NBPF12: variants seen among roughly 807,000 people sequenced by gnomAD.
NBPF12 encodes the protein NBPF member 12.
In NBPF12, 115 loss-of-function variants were observed where a neutral mutation model predicts 146.4. The ratio of observed to expected loss-of-function variants is 0.79; its 90% CI spans 0.68 to 0.92. The LOEUF (loss-of-function observed/expected upper bound fraction) is 0.92, where lower values mean the gene tolerates loss of function less well. NBPF12 is among the 40% of genes least tolerant of loss of function. The probability of loss-of-function intolerance (pLI) is 0.00; values close to 1 mark genes in which losing one functional copy is unlikely to be tolerated. For synonymous variants in NBPF12, 385 were observed against 508.9 expected, an observed-to-expected ratio of 0.76 and a Z score of 3.28; for missense variants, 1,205 against 1,326.8, an observed-to-expected ratio of 0.91 and a Z score of 1.43.
Position 146,972,959 on chromosome 1 carries a change from C to A in NBPF12, c.1800C>A (p.Tyr600Ter). The change falls in exon 14 of 34, where the codon TAC (tyrosine) becomes TAA (stop). Residue 600 changes from tyrosine (Y) to a stop codon, truncating the protein, a stop_gained and splice_region_variant. Transcript: ENST00000617844. LOFTEE classifies it high-confidence loss of function. ...TCCTGGCCAAGCAGCAGAACAAATA[C>A]AGTAAGATCTATATGCTCACCATCA... The A allele has an allele frequency of 2.2e-6, 2 of 920,550 alleles. No homozygotes were observed. 57.0% of individuals were successfully genotyped at this position (920,550 alleles called of 1,614,324 possible). A position where few individuals can be genotyped will look rare whatever the true frequency, so the allele number is the denominator to read the frequency against.
At chr1:146,995,709 A>G in exon 34 of NBPF12, 1 of 150,186 alleles carries the variant, frequency 6.7e-6, no homozygotes, top group Non-Finnish European at 1.5e-5. Flanking sequence ...ACCTCAGCCC[A>G]TCTGCGGGCA....
intron 2 of NBPF12, among the ~76,000 whole-genome samples, chr1:146,954,603 G>C (rs1553884184): frequency 6.9e-4 from 104 of 150,074 alleles, no homozygotes; most frequent in African/African-American, 2.5e-3. Context: ...AAAATTCCAA[G>C]CGGCATTTTG....
rs1341136173 is a variant in NBPF12, at chr1:146,958,187, C to T, written c.-183-1672C>T. Among the ~76,000 whole-genome samples the T allele has an allele frequency of 9.6e-5, 11 of 115,022 alleles. 1 individual carries two copies. The highest frequency in any genetic ancestry group is 1.9e-5 in the Non-Finnish European group (1 of 53,122). The allele number at this position is 115,022 out of a possible 152,430, so 75.5% of individuals were successfully genotyped here. On this transcript the variant is annotated intron_variant, in intron 2 of 33. Transcript: ENST00000617844. Reference sequence around the variant, plus strand: ...GTGTGTGATGTTCCCCGCCCTGTGTCCAAGTGTTCTCATTGTTCAATTCCC... The same window carrying T: ...GTGTGTGATGTTCCCCGCCCTGTGTTCAAGTGTTCTCATTGTTCAATTCCC...
chr1:146,941,123 G>A (rs1282021713), intron 1 of NBPF12, among the ~76,000 whole-genome samples: 1 of 151,384 alleles, frequency 6.6e-6, no homozygotes, highest in Non-Finnish European at 1.5e-5. Flanking sequence ...TCACTCTGTT[G>A]CCCAGGCTGG....
intron 9 of NBPF12, among the ~76,000 whole-genome samples, chr1:146,967,711 T>C (rs1656296415): frequency 6.7e-6 from 1 of 150,094 alleles, no homozygotes; most frequent in South Asian, 2.1e-4. Context: ...TGTCTGTCCC[T>C]CAGTTTCCTC....
chr1:146,963,170 T>G, exon 6 of NBPF12: 1 of 1,606,010 alleles, frequency 6.2e-7, no homozygotes, highest in Non-Finnish European at 8.5e-7. Context: ...AAGGGAGAGA[T>G]GCCTCCCGCT....
At chr1:146,957,983 G>GTGTGTATATATATATATACA (rs1388232924) in intron 2 of NBPF12, among the ~76,000 whole-genome samples, 3 of 115,702 alleles carry the variant, frequency 2.6e-5, no homozygotes, top group African/African-American at 9.9e-5. Context: ...GTATATATGT[G>GTGTGTATATATATATATACA]TGTGTATATA....
At chr1:146,944,902 TCCTCCCTTCCTCCCTCCCTCCCTG>T (rs1313778599), upstream of NBPF12, among the ~76,000 whole-genome samples, 56 of 102,168 alleles carry the variant, frequency 5.5e-4, no homozygotes, top group Non-Finnish European at 9.3e-4. Context: ...CTTCCTTTCT[TCCTCCCTTCCTCCCTCCCTCCCTG>T]CCTCCCTCCC....
exon 8 of NBPF12, chr1:146,965,065 T>C: frequency 6.2e-7 from 1 of 1,606,180 alleles, no homozygotes; most frequent in East Asian, 2.2e-5. Flanking sequence ...CAGAAAATCC[T>C]CTCATGATGA....
At chr1:146,985,937 A>G (rs1290527543) in intron 23 of NBPF12, among the ~76,000 whole-genome samples, 181 bp downstream of exon 26, 1 of 150,640 alleles carries the variant, frequency 6.6e-6, no homozygotes, top group Admixed American at 6.6e-5. Context: ...TCCCCTTGTC[A>G]TTTACTAACT....
chr1:146,976,674 G>T (rs1328826343), intron 16 of NBPF12, among the ~76,000 whole-genome samples: 1 of 151,754 alleles, frequency 6.6e-6, no homozygotes, highest in Non-Finnish European at 1.5e-5. Context: ...GGCTGCACAA[G>T]CCTCCAGTGA....
At chr1:146,995,797 C>G (rs1246073262) in exon 34 of NBPF12, 1 of 149,730 alleles carries the variant, frequency 6.7e-6, no homozygotes, top group Non-Finnish European at 1.5e-5. Context: ...GGAGATCTGT[C>G]CCTTTTAGAG....
At position 146,971,061 on chromosome 1, in the gene NBPF12, C is replaced by A. The variant is rs1348966002; in HGVS notation, c.1380-122C>A. The A allele has an allele frequency of 3.3e-6, 5 of 1,503,104 alleles. No homozygotes were observed. The East Asian group carries it at 9.0e-5, about 27-fold the overall frequency. 93.1% of individuals were successfully genotyped at this position (1,503,104 alleles called of 1,614,324 possible). A position where few individuals can be genotyped will look rare whatever the true frequency, so the allele number is the denominator to read the frequency against. ...ATTGCCTGTTCCCTCTTAAAGGGAA[C>A]CTCCATTTTGCTTTCTGGGACCACT... On this transcript the variant is annotated intron_variant, in intron 12 of 33. Coordinates refer to ENST00000617844, the Ensembl canonical transcript of NBPF12.
chr1:146,957,892 C>CATATTAT (rs1553884511), intron 2 of NBPF12, among the ~76,000 whole-genome samples: 3 of 109,628 alleles, frequency 2.7e-5, no homozygotes, highest in African/African-American at 9.2e-5. Flanking sequence ...TGTATATACA[C>CATATTAT]ATATATATAC....
Position 146,964,537 on chromosome 1 carries a change from G to A in NBPF12, c.566+108G>A, listed in dbSNP as rs1553885272. Reference sequence around the variant, plus strand: ...TGGGCCAAAAGCCCGCATTCCCTTGGCCACAGTATGTGAAATTCAACCCAG... The same window carrying A: ...TGGGCCAAAAGCCCGCATTCCCTTGACCACAGTATGTGAAATTCAACCCAG... On this transcript the variant is annotated intron_variant, in intron 7 of 33. Transcript: ENST00000617844. The A allele has an allele frequency of 1.2e-3, 1,863 of 1,556,728 alleles. 23 individuals are homozygous for A. The African/African-American group carries it at 0.021, about 17-fold the overall frequency.
chr1:146,994,481 T>A (rs1406689567), exon 34 of NBPF12: 2 of 1,609,118 alleles, frequency 1.2e-6, no homozygotes, highest in Non-Finnish European at 1.7e-6. Flanking sequence ...GAACAGCACA[T>A]CACCTTTGCC....
At position 146,954,245 on chromosome 1, in the gene NBPF12, G is replaced by A. The variant is rs1337476105; in HGVS notation, c.-184+2756G>A. On this transcript the variant is annotated intron_variant, in intron 2 of 33. Coordinates refer to ENST00000617844, the Ensembl canonical transcript of NBPF12. ...TCTCTACTAAAAATACAAAAAATTAGCTAGGCGTGGTGGCATGTGCCTGTA... is the reference window on the plus strand; with the variant it reads ...TCTCTACTAAAAATACAAAAAATTAACTAGGCGTGGTGGCATGTGCCTGTA... Among the ~76,000 whole-genome samples, 3 of 146,130 alleles carry A rather than the reference G, an allele frequency of 2.1e-5. No individual in the cohort carries two copies. The East Asian group carries it at 6.0e-4, about 29-fold the overall frequency.
At chr1:146,963,648 T>C (rs2101851993) in intron 6 of NBPF12, among the ~76,000 whole-genome samples, 1 of 152,030 alleles carries the variant, frequency 6.6e-6, no homozygotes, top group East Asian at 1.9e-4. Context: ...TCCCAGGCTG[T>C]CTTTTTGGCA....
chr1:146,962,262 A>T, exon 5 of NBPF12: 1 of 1,602,872 alleles, frequency 6.2e-7, no homozygotes, highest in Non-Finnish European at 8.5e-7. Flanking sequence ...TGAGGAGCTC[A>T]GGTGAGGGGA....
Sources: allele counts gnomAD v4.1 joint callset (sites outside exome capture counted in the v4.1 genomes callset), GRCh38; gene constraint gnomAD v4.1.1; transcripts MANE v1.5; gene names NCBI Gene and HGNC (gene_info 2026-07-23, HGNC 2026-07-21).